NDUFAF2: variants seen among roughly 807,000 people sequenced by gnomAD.
NDUFAF2 encodes NADH:ubiquinone oxidoreductase complex assembly factor 2, also known as NADH dehydrogenase [ubiquinone] 1 alpha subcomplex assembly factor 2.
NDUFAF2 carries 13 observed loss-of-function variants against 22.8 expected under a neutral mutation model. The observed-to-expected ratio is 0.57, with a 90% CI of 0.37 to 0.91. The LOEUF (loss-of-function observed/expected upper bound fraction) is 0.91. NDUFAF2 is among the 40% of genes least tolerant of loss of function. NDUFAF2 has a pLI of 0.01. For synonymous variants in NDUFAF2, 53 were observed against 64.2 expected, an observed-to-expected ratio of 0.83 and a Z score of 0.84; for missense variants, 162 against 195.2, an observed-to-expected ratio of 0.83 and a Z score of 1.01.
At chr5:61,010,243 A>G (rs1299417633) in intron 1 of NDUFAF2, among the ~76,000 whole-genome samples, 2 of 152,104 alleles carry the variant, frequency 1.3e-5, no homozygotes, top group Admixed American at 6.6e-5. Flanking sequence ...GCTTTAATTC[A>G]GTGACTTTGT....
At chr5:61,082,769 A>G (rs1254643579) in intron 2 of NDUFAF2, among the ~76,000 whole-genome samples, 5 of 152,106 alleles carry the variant, frequency 3.3e-5, no homozygotes, top group Admixed American at 2.6e-4. Context: ...TCCAGTCTAC[A>G]ATTGATGGGT....
rs1751477223 is a variant in NDUFAF2, at chr5:61,014,101, G to A, written c.128-59024G>A. ...CCCTAGATAGTTTAAGAATGGGGCT[G>A]GTCCCCAGAAAGACCAAGACATGAT... On this transcript the variant is annotated intron_variant, in intron 1 of 3. Coordinates refer to ENST00000296597, the MANE Select transcript of NDUFAF2 (RefSeq NM_174889.5). Among the ~76,000 whole-genome samples the A allele has an allele frequency of 1.3e-5, 2 of 152,196 alleles. 1 individual carries two copies. The highest frequency in any genetic ancestry group is 4.1e-4 in the South Asian group (2 of 4,830).
chr5:61,105,200 T>C (rs1230071518), intron 3 of NDUFAF2, among the ~76,000 whole-genome samples: 1 of 149,558 alleles, frequency 6.7e-6, no homozygotes, highest in Admixed American at 6.6e-5. Flanking sequence ...TGGCTTATGA[T>C]GTGTTGATCT....
chr5:61,084,801 T>C (rs1261712993), intron 2 of NDUFAF2, among the ~76,000 whole-genome samples: 2 of 152,196 alleles, frequency 1.3e-5, no homozygotes, highest in African/African-American at 4.8e-5. Flanking sequence ...TACAAATATC[T>C]GTAGATTTAA....
chr5:61,060,891 G>A (rs1453690455), intron 1 of NDUFAF2, among the ~76,000 whole-genome samples: 1 of 152,104 alleles, frequency 6.6e-6, no homozygotes, highest in African/African-American at 2.4e-5. Context: ...TATTTTATGA[G>A]CGCTGAAACT....
chr5:60,955,000 G>A (rs1750597159), intron 1 of NDUFAF2, among the ~76,000 whole-genome samples: 1 of 152,072 alleles, frequency 6.6e-6, no homozygotes, highest in South Asian at 2.1e-4. Context: ...TATGAGATAT[G>A]GTTTGCAAAT....
intron 1 of NDUFAF2, among the ~76,000 whole-genome samples, chr5:61,056,551 G>A (rs1285409335): frequency 6.6e-6 from 1 of 151,984 alleles, no homozygotes; most frequent in Non-Finnish European, 1.5e-5. Context: ...ATTAGCCAGG[G>A]TAAAGTTTGT....
At chr5:61,006,807 G>T (rs1667978847) in intron 1 of NDUFAF2, among the ~76,000 whole-genome samples, 1 of 152,030 alleles carries the variant, frequency 6.6e-6, no homozygotes, top group Non-Finnish European at 1.5e-5. Flanking sequence ...AGTTAATATT[G>T]TAATGAAAAC....
chr5:61,063,273 G>T (rs1752188415), intron 1 of NDUFAF2, among the ~76,000 whole-genome samples: 1 of 151,896 alleles, frequency 6.6e-6, no homozygotes, highest in South Asian at 2.1e-4. Context: ...CTAAATGGGA[G>T]GATTGCTTGA....
chr5:60,968,644 G>A (rs1041663921), intron 1 of NDUFAF2, among the ~76,000 whole-genome samples: 2 of 151,894 alleles, frequency 1.3e-5, no homozygotes, highest in African/African-American at 2.4e-5. Context: ...TGATATAGCT[G>A]TGCAATAAAT....
chr5:60,950,265 C>T (rs528351918), intron 1 of NDUFAF2, among the ~76,000 whole-genome samples: 1 of 152,208 alleles, frequency 6.6e-6, no homozygotes, highest in South Asian at 2.1e-4. Flanking sequence ...TGGCTCATTG[C>T]AACCTCCACC....
chr5:61,084,158 G>A (rs1758562351), intron 2 of NDUFAF2, among the ~76,000 whole-genome samples: 1 of 151,336 alleles, frequency 6.6e-6, no homozygotes, highest in Non-Finnish European at 1.5e-5. Flanking sequence ...CGGTTGCTGG[G>A]CATTTTTATC....
At chr5:61,071,293 C>T (rs1193992092) in intron 1 of NDUFAF2, among the ~76,000 whole-genome samples, 1 of 152,064 alleles carries the variant, frequency 6.6e-6, no homozygotes. Flanking sequence ...GGAACCTCTG[C>T]GTTAGGATTA....
chr5:61,056,218 G>T (rs1752085214), intron 1 of NDUFAF2, among the ~76,000 whole-genome samples: 1 of 152,168 alleles, frequency 6.6e-6, no homozygotes, highest in African/African-American at 2.4e-5. Context: ...GTACATCCTT[G>T]AGTAGAGAGG....
At chr5:61,098,396 C>A (rs528294910) in intron 2 of NDUFAF2, among the ~76,000 whole-genome samples, 4 of 152,316 alleles carry the variant, frequency 2.6e-5, no homozygotes, top group Admixed American at 2.6e-4. Context: ...ACTCCCTTCC[C>A]ATTGCTGCAA....
intron 1 of NDUFAF2, among the ~76,000 whole-genome samples, chr5:61,043,828 T>C (rs1307532762): frequency 1.3e-5 from 2 of 152,168 alleles, no homozygotes; most frequent in African/African-American, 4.8e-5. Flanking sequence ...AGTGCAGATA[T>C]CTCTTCAGTA....
chr5:61,034,801 GAA>G (rs1751774937), intron 1 of NDUFAF2, among the ~76,000 whole-genome samples: 1 of 152,070 alleles, frequency 6.6e-6, no homozygotes, highest in Non-Finnish European at 1.5e-5. Flanking sequence ...CTAAATCTCA[GAA>G]AGAGATGAGA....
chr5:61,090,764 G>A (rs1382741921), intron 2 of NDUFAF2, among the ~76,000 whole-genome samples: 1 of 152,048 alleles, frequency 6.6e-6, no homozygotes, highest in South Asian at 2.1e-4. Context: ...AGATTTTGAT[G>A]TGCAGATTAT....
chr5:61,091,029 T>C (rs1236463501), intron 2 of NDUFAF2, among the ~76,000 whole-genome samples: 1 of 152,224 alleles, frequency 6.6e-6, no homozygotes, highest in Non-Finnish European at 1.5e-5. Context: ...TGTTCTTTTT[T>C]ATGGCTGCAT....
Sources: gnomAD v4.1 joint callset for allele counts (sites outside exome capture counted in the v4.1 genomes callset) on GRCh38, gnomAD v4.1.1 for gene constraint, MANE v1.5 for transcripts, NCBI Gene and HGNC (gene_info 2026-07-23, HGNC 2026-07-21) for gene names.